The following CARMIL1 variants were observed in gnomAD, a reference collection of about 807,000 sequenced individuals.
CARMIL1 encodes capping protein regulator and myosin 1 linker 1.
Under a neutral mutation model 177.1 loss-of-function variants are expected in CARMIL1, and 90 were observed. That is an observed-to-expected ratio of 0.51 (90% CI 0.43 to 0.61). The LOEUF (loss-of-function observed/expected upper bound fraction) is 0.61. Ranked by LOEUF, CARMIL1 falls within the 20% of genes least tolerant of loss-of-function variation. The pLI, the probability that CARMIL1 is intolerant of heterozygous loss-of-function variation, is 0.00. For missense variants in CARMIL1, 1,380 were observed against 1,667.0 expected (o/e 0.83, Z 3.00); for synonymous variants, 577 against 606.2 (o/e 0.95, Z 0.71).
intron 2 of CARMIL1, among the ~76,000 whole-genome samples, chr6:25,301,287 C>T (rs956115147): frequency 6.6e-6 from 1 of 152,120 alleles, no homozygotes; most frequent in Admixed American, 6.5e-5. Context: ...TGAAGAGGCT[C>T]TTAATGAGCC....
chr6:25,601,809 C>T (rs950580459), intron 33 of CARMIL1, among the ~76,000 whole-genome samples: 1 of 152,138 alleles, frequency 6.6e-6, no homozygotes, highest in African/African-American at 2.4e-5. Context: ...TTTCTTTTTA[C>T]CCCTGTTTTC....
At chr6:25,512,863 G>C (rs1805590644) in intron 20 of CARMIL1, among the ~76,000 whole-genome samples, 1 of 152,178 alleles carries the variant, frequency 6.6e-6, no homozygotes, top group African/African-American at 2.4e-5. Flanking sequence ...CAGTAGAACA[G>C]AATGTGATTC....
intron 2 of CARMIL1, among the ~76,000 whole-genome samples, chr6:25,384,323 G>A (rs1333028084): frequency 6.6e-6 from 1 of 152,234 alleles, no homozygotes; most frequent in Non-Finnish European, 1.5e-5. Context: ...CAGCGTTGAT[G>A]CTCAGATCCC....
chr6:25,479,472 C>T (rs1187418186), intron 11 of CARMIL1, among the ~76,000 whole-genome samples: 1 of 152,156 alleles, frequency 6.6e-6, no homozygotes, highest in Non-Finnish European at 1.5e-5. Context: ...TTTATACCCT[C>T]GAGTTATAAT....
intron 1 of CARMIL1, among the ~76,000 whole-genome samples, chr6:25,281,395 G>A (rs1166511401): frequency 6.6e-6 from 1 of 152,008 alleles, no homozygotes; most frequent in African/African-American, 2.4e-5. Context: ...AAAGTGGGTG[G>A]CAGATTTTTA....
chr6:25,304,745 C>T (rs1239572124), intron 2 of CARMIL1, among the ~76,000 whole-genome samples: 1 of 152,170 alleles, frequency 6.6e-6, no homozygotes, highest in African/African-American at 2.4e-5. Context: ...TTCCTTTGGT[C>T]TAAGATTCTG....
intron 2 of CARMIL1, among the ~76,000 whole-genome samples, chr6:25,394,839 C>G (rs1238204112): frequency 6.6e-6 from 1 of 152,148 alleles, no homozygotes; most frequent in African/African-American, 2.4e-5. Flanking sequence ...ATGAGTACTA[C>G]CTATTTGGAA....
At chr6:25,445,410 G>A (rs984306111) in intron 5 of CARMIL1, among the ~76,000 whole-genome samples, 1 of 152,112 alleles carries the variant, frequency 6.6e-6, no homozygotes, top group South Asian at 2.1e-4. Context: ...CTTCCCGTGA[G>A]TCATGAATGT....
At chr6:25,400,005 G>T (rs1417364356) in intron 2 of CARMIL1, among the ~76,000 whole-genome samples, 1 of 152,084 alleles carries the variant, frequency 6.6e-6, no homozygotes, top group Non-Finnish European at 1.5e-5. Context: ...CTGATAATTC[G>T]CTCCAAATCA....
At chr6:25,456,685 C>T (rs55946641) in intron 8 of CARMIL1, among the ~76,000 whole-genome samples, 27,917 of 151,924 alleles carry the variant, frequency 0.18, 2,641 homozygotes, top group Non-Finnish European at 0.21. Context: ...CTTACTGGTG[C>T]CAAGAAGAAG....
intron 2 of CARMIL1, among the ~76,000 whole-genome samples, chr6:25,325,883 T>G (rs888748605): frequency 6.6e-6 from 1 of 152,138 alleles, no homozygotes; most frequent in African/African-American, 2.4e-5. Context: ...TGAGACTTTT[T>G]TTTTTGAGAC....
At chr6:25,605,405 T>C (rs1295624454) in intron 34 of CARMIL1, among the ~76,000 whole-genome samples, 1 of 152,250 alleles carries the variant, frequency 6.6e-6, no homozygotes, top group East Asian at 1.9e-4. Context: ...AGTAATGCGT[T>C]AACTGTGTGA....
chr6:25,540,255 T>C (rs1039023066), intron 26 of CARMIL1, among the ~76,000 whole-genome samples, 177 bp downstream of exon 26: 7 of 152,256 alleles, frequency 4.6e-5, no homozygotes, highest in Non-Finnish European at 2.9e-5. Context: ...GAAAGACTTC[T>C]TACATAATCA....
At chr6:25,337,072 G>A (rs1231709577) in intron 2 of CARMIL1, among the ~76,000 whole-genome samples, 2 of 152,156 alleles carry the variant, frequency 1.3e-5, no homozygotes, top group East Asian at 3.9e-4. Flanking sequence ...ATTTGTCAGG[G>A]CATATATTAT....
At chr6:25,570,040 C>T (rs1055307341) in intron 29 of CARMIL1, among the ~76,000 whole-genome samples, 9 of 151,922 alleles carry the variant, frequency 5.9e-5, no homozygotes, top group African/African-American at 2.2e-4. Context: ...GTGGCGCTCA[C>T]TGCAAGCTCC....
intron 2 of CARMIL1, among the ~76,000 whole-genome samples, chr6:25,372,344 A>T (rs1314170279): frequency 6.6e-6 from 1 of 152,024 alleles, no homozygotes; most frequent in Non-Finnish European, 1.5e-5. Flanking sequence ...TAGTATGGCC[A>T]TTTTCATGAA....
intron 23 of CARMIL1, among the ~76,000 whole-genome samples, chr6:25,522,135 A>G (rs760009033): frequency 5.9e-5 from 9 of 152,154 alleles, no homozygotes; most frequent in Non-Finnish European, 1.3e-4. Flanking sequence ...CTCTGTTCCC[A>G]TTATGGATAC....
chr6:25,477,533 T>C (rs962362914), intron 11 of CARMIL1, among the ~76,000 whole-genome samples: 2 of 152,194 alleles, frequency 1.3e-5, no homozygotes, highest in Admixed American at 1.3e-4. Flanking sequence ...CAGCTTGCTC[T>C]TGGTCTTCAT....
At chr6:25,477,623 A>T (rs561981496) in intron 11 of CARMIL1, among the ~76,000 whole-genome samples, 1 of 149,022 alleles carries the variant, frequency 6.7e-6, no homozygotes, top group Non-Finnish European at 1.5e-5. Flanking sequence ...ATGACAAGCA[A>T]TTTTTTTTTT....
Sources: allele counts gnomAD v4.1 joint callset (sites outside exome capture counted in the v4.1 genomes callset), GRCh38; gene constraint gnomAD v4.1.1; transcripts MANE v1.5; gene names NCBI Gene and HGNC (gene_info 2026-07-23, HGNC 2026-07-21).